DNAH6: variants seen among roughly 807,000 people sequenced by gnomAD.
The protein encoded by DNAH6 is axonemal beta dynein heavy chain 6.
Under a neutral mutation model 491.4 loss-of-function variants are expected in DNAH6, and 340 were observed. That is an observed-to-expected ratio of 0.69 (90% CI 0.63 to 0.76). The LOEUF is 0.76. Ranked by LOEUF, DNAH6 falls within the 30% of genes least tolerant of loss-of-function variation. DNAH6 has a pLI of 0.00. For missense variants in DNAH6, 4,443 were observed against 4,972.2 expected, an observed-to-expected ratio of 0.89 and a Z score of 3.20; for synonymous variants, 1,603 against 1,686.1, an observed-to-expected ratio of 0.95 and a Z score of 1.21.
chr2:84,550,095 G>A, intron 9 of DNAH6, 38 bp downstream of exon 9: 1 of 1,543,930 alleles, frequency 6.5e-7, no homozygotes, highest in Non-Finnish European at 8.9e-7. Context: ...TTATTGGTCA[G>A]CATTTATTGA....
Position 84,710,373 on chromosome 2 carries a change from G to A in DNAH6, c.9339G>A (p.Glu3113=), listed in dbSNP as rs1427490048. The change falls in exon 56 of 77, where the codon GAG becomes GAA. Residue 3113 remains glutamate, a synonymous_variant. Coordinates refer to ENST00000389394, the MANE Select transcript of DNAH6 (RefSeq NM_001370.2). The stretch of plus-strand genomic sequence containing the variant: ...ATAGTAATTTCTTACGAATACTCGA[G>A]AATTCAATCCGACTTGGTTTACCTG... ...LTDSNFLRIL[E]NSIRLGLPVL... The A allele has an allele frequency of 6.4e-7, 1 of 1,551,808 alleles. No homozygotes were observed. Among genetic ancestry groups the A allele is most frequent in the Admixed American group, 2.0e-5 (1 of 50,998 alleles).
chr2:84,619,660 A>G lies in DNAH6; in HGVS notation c.3573-25A>G. On this transcript the variant is annotated intron_variant, in intron 23 of 76. Coordinates refer to ENST00000389394, the MANE Select transcript of DNAH6 (RefSeq NM_001370.2). The stretch of plus-strand genomic sequence containing the variant: ...AGACTTTACTTCCATTTCAAGTTAT[A>G]TTTTAAGGATGTTCTTTAATCCAGG... 3 of 1,536,828 alleles carry G rather than the reference A, an allele frequency of 2.0e-6. No individual in the cohort carries two copies. In the South Asian group the frequency reaches 3.6e-5, roughly 18 times the overall value.
chr2:84,624,703 C>A, intron 28 of DNAH6, 83 bp downstream of exon 28: 2 of 1,413,184 alleles, frequency 1.4e-6, no homozygotes, highest in South Asian at 1.4e-5. Flanking sequence ...ATGACATTAA[C>A]TCTTGAAAGA....
intron 70 of DNAH6, among the ~76,000 whole-genome samples, chr2:84,805,096 G>A (rs1475985125): frequency 6.6e-6 from 1 of 152,146 alleles, no homozygotes; most frequent in African/African-American, 2.4e-5. Flanking sequence ...ACCACCCAAA[G>A]TGTTGGGATT....
intron 18 of DNAH6, among the ~76,000 whole-genome samples, chr2:84,603,033 C>T (rs899110156): frequency 1.3e-5 from 2 of 151,980 alleles, no homozygotes; most frequent in Non-Finnish European, 2.9e-5. Flanking sequence ...TCCATTAGAA[C>T]CTTTAACATG....
chr2:84,522,883 T>C (rs1456008496), intron 2 of DNAH6, among the ~76,000 whole-genome samples: 1 of 152,170 alleles, frequency 6.6e-6, no homozygotes, highest in Non-Finnish European at 1.5e-5. Context: ...TTGTTGAGGA[T>C]TCTTGCATCA....
At chr2:84,594,419 G>A (rs951759907) in intron 17 of DNAH6, among the ~76,000 whole-genome samples, 2 of 151,318 alleles carry the variant, frequency 1.3e-5, no homozygotes, top group Non-Finnish European at 3.0e-5. Context: ...TTTTATTTGT[G>A]ATCTACACAC....
intron 33 of DNAH6, among the ~76,000 whole-genome samples, chr2:84,643,961 T>C (rs1229121261): frequency 2.6e-5 from 4 of 152,130 alleles, no homozygotes; most frequent in African/African-American, 9.7e-5. Flanking sequence ...TGCCTCATAA[T>C]ATTTTCTTGA....
intron 76 of DNAH6, among the ~76,000 whole-genome samples, chr2:84,816,309 GGA>G (rs1405514149): frequency 2.0e-5 from 3 of 152,120 alleles, no homozygotes; most frequent in Non-Finnish European, 2.9e-5. Context: ...TAGAATCCAA[GGA>G]GTAGAAAATA....
In DNAH6 at chr2:84,762,896, C is replaced by A; in HGVS notation, c.10654C>A (p.Pro3552Thr). Reference sequence around the variant, plus strand: ...ATTCATCCTAAGCACAGGCTCAGATCCCATGGGTGCATTTCAGAGGTTTGC... The same window carrying A: ...ATTCATCCTAAGCACAGGCTCAGATACCATGGGTGCATTTCAGAGGTTTGC... ...LVFILSTGSD[P>T]MGAFQRFARE... The change falls in exon 64 of 77, where the codon CCC becomes ACC. Residue 3552 changes from proline to threonine, a missense_variant. Physicochemically the swap from Pro to Thr is conservative, Grantham distance 38. Transcript: ENST00000389394. 1.3e-6 allele frequency: 2 copies of A among 1,551,540 alleles called. No individual in the cohort carries two copies. The highest frequency in any genetic ancestry group is 2.7e-5 in the African/African-American group (2 of 73,116).
intron 23 of DNAH6, among the ~76,000 whole-genome samples, chr2:84,618,702 TAATA>T (rs767226587): frequency 3.3e-5 from 5 of 152,174 alleles, no homozygotes; most frequent in Non-Finnish European, 5.9e-5. Flanking sequence ...TCAGTTGGGA[TAATA>T]AATCAAATTC....
At chr2:84,811,870 A>AG (rs1680011906) in intron 72 of DNAH6, among the ~76,000 whole-genome samples, 3 of 151,914 alleles carry the variant, frequency 2.0e-5, no homozygotes, top group African/African-American at 7.3e-5. Context: ...AAAAAAAAAA[A>AG]AAAAAAGGAA....
intron 68 of DNAH6, among the ~76,000 whole-genome samples, chr2:84,791,368 A>T (rs1311011691): frequency 6.6e-6 from 1 of 152,190 alleles, no homozygotes; most frequent in South Asian, 2.1e-4. Flanking sequence ...TAAAGTACTG[A>T]TACATACAAC....
At chr2:84,628,330 T>G (rs974059927) in intron 29 of DNAH6, among the ~76,000 whole-genome samples, 1 of 152,156 alleles carries the variant, frequency 6.6e-6, no homozygotes, top group Non-Finnish European at 1.5e-5. Context: ...CATGTGTGGA[T>G]GTTCCCCAGG....
chr2:84,545,412 T>C (rs1263372798), intron 5 of DNAH6, among the ~76,000 whole-genome samples: 1 of 152,214 alleles, frequency 6.6e-6, no homozygotes, highest in Non-Finnish European at 1.5e-5. Flanking sequence ...CATCAGTCAT[T>C]TGAAGTTATT....
chr2:84,621,838 A>G (rs976473116), intron 26 of DNAH6, among the ~76,000 whole-genome samples: 2 of 152,174 alleles, frequency 1.3e-5, no homozygotes, highest in Non-Finnish European at 2.9e-5. Context: ...TTTAAGGACA[A>G]ACTGTATTCA....
At chr2:84,808,719 A>G (rs1246070580) in intron 72 of DNAH6, among the ~76,000 whole-genome samples, 177 bp downstream of exon 72, 1 of 152,154 alleles carries the variant, frequency 6.6e-6, no homozygotes, top group East Asian at 1.9e-4. Flanking sequence ...CTGTATTCCC[A>G]TTTTCTAATA....
At chr2:84,565,038 T>C (rs988620915) in intron 11 of DNAH6, among the ~76,000 whole-genome samples, 3 of 152,096 alleles carry the variant, frequency 2.0e-5, no homozygotes, top group African/African-American at 7.2e-5. Context: ...AGGAATAAAG[T>C]CTACTTGTTT....
At chr2:84,754,627 A>G (rs190929078) in intron 63 of DNAH6, among the ~76,000 whole-genome samples, 20 of 152,328 alleles carry the variant, frequency 1.3e-4, no homozygotes, top group Admixed American at 9.8e-4. Context: ...TTTCAATTTT[A>G]TTCCATTAGC....
Sources: allele counts gnomAD v4.1 joint callset (sites outside exome capture counted in the v4.1 genomes callset), GRCh38; gene constraint gnomAD v4.1.1; transcripts MANE v1.5; gene names NCBI Gene and HGNC (gene_info 2026-07-23, HGNC 2026-07-21).